RUFY4: variants seen among roughly 807,000 people sequenced by gnomAD.
The protein encoded by RUFY4 is RUN and FYVE domain-containing protein 4.
Under a neutral mutation model 69.0 loss-of-function variants are expected in RUFY4, and 73 were observed. The observed-to-expected ratio is 1.06, with a 90% CI of 0.88 to 1.29. The LOEUF (loss-of-function observed/expected upper bound fraction) is 1.29. Among genes scored for constraint, RUFY4 ranks in the 50% most tolerant of loss-of-function variants. The probability of loss-of-function intolerance (pLI) is 0.00; values close to 1 mark genes in which losing one functional copy is unlikely to be tolerated. For missense variants in RUFY4, 770 were observed against 705.6 expected (o/e 1.09, Z -1.03); for synonymous variants, 287 against 271.8 (o/e 1.06, Z -0.55).
At chr2:218,081,979 C>A (rs1689768707) in intron 8 of RUFY4, among the ~76,000 whole-genome samples, 1 of 152,236 alleles carries the variant, frequency 6.6e-6, no homozygotes. Context: ...CTGGCACAGA[C>A]ACGTACATGC....
chr2:218,090,143 C>A, exon 11 of RUFY4: 1 of 729,784 alleles, frequency 1.4e-6, no homozygotes, highest in Non-Finnish European at 2.3e-6. Flanking sequence ...TCCCAGCCCT[C>A]TTGTTTGTCC....
rs939772844 is a variant in RUFY4, at chr2:218,070,862, G to A, written c.153+3G>A. The A allele has an allele frequency of 7.8e-6, 12 of 1,532,598 alleles. No individual in the cohort carries two copies. Among genetic ancestry groups the A allele is most frequent in the Admixed American group, 2.0e-5 (1 of 50,612 alleles). 94.9% of individuals were successfully genotyped at this position (1,532,598 alleles called of 1,614,324 possible). A position where few individuals can be genotyped will look rare whatever the true frequency, so the allele number is the denominator to read the frequency against. On this transcript the variant is annotated splice_donor_region_variant and intron_variant, in intron 2 of 10. Transcript: ENST00000344321. Reference sequence around the variant, plus strand: ...GCTGCCTGGAGCTGCTGCTGCAGGTGGGACCTTCTCCTCCCCTTCCCCATC... The same window carrying A: ...GCTGCCTGGAGCTGCTGCTGCAGGTAGGACCTTCTCCTCCCCTTCCCCATC...
chr2:218,073,131 C>A, intron 4 of RUFY4, 112 bp from the exon 7 acceptor site: 1 of 1,170,352 alleles, frequency 8.5e-7, no homozygotes, highest in Non-Finnish European at 1.1e-6. Context: ...AGCCTCATGA[C>A]GGTGTGTAGT....
chr2:218,044,189 G>A (rs919346220), intron 2 of RUFY4, among the ~76,000 whole-genome samples: 1 of 152,144 alleles, frequency 6.6e-6, no homozygotes, highest in Non-Finnish European at 1.5e-5. Flanking sequence ...CAGGGGTGGG[G>A]CTCCTGCCTG....
exon 10 of RUFY4, chr2:218,089,277 C>T: frequency 6.2e-7 from 1 of 1,613,868 alleles, no homozygotes. Context: ...GTGGCAGAGG[C>T]TCCAGCATCT....
At chr2:218,073,751 C>A (rs1208700061) in intron 5 of RUFY4, 65 bp from the exon 8 acceptor site, 4 of 1,567,114 alleles carry the variant, frequency 2.6e-6, no homozygotes, top group Non-Finnish European at 3.5e-6. Flanking sequence ...GGGATACCCT[C>A]CATCTGAGGA....
exon 8 of RUFY4, chr2:218,076,519 G>A: frequency 4.5e-6 from 7 of 1,550,436 alleles, no homozygotes; most frequent in South Asian, 1.2e-5. Flanking sequence ...AGGCACTTCG[G>A]GAGCAGCTCA....
intron 2 of RUFY4, among the ~76,000 whole-genome samples, chr2:218,040,025 A>C (rs1959039589): frequency 6.6e-6 from 1 of 152,166 alleles, no homozygotes; most frequent in Admixed American, 6.5e-5. Context: ...TCTGCTGTAA[A>C]GTCAAATCCT....
At chr2:218,088,881 C>T (rs1314678355) in intron 9 of RUFY4, among the ~76,000 whole-genome samples, 3 of 151,836 alleles carry the variant, frequency 2.0e-5, no homozygotes, top group African/African-American at 7.3e-5. Context: ...CTCTCTCCCT[C>T]TATATATCTC....
chr2:218,043,653 A>C (rs1688753584), intron 2 of RUFY4, among the ~76,000 whole-genome samples: 1 of 152,180 alleles, frequency 6.6e-6, no homozygotes, highest in Non-Finnish European at 1.5e-5. Flanking sequence ...GGGGAAGTGC[A>C]TGCTGATTGG....
At chr2:218,063,834 T>C (rs1195319874) in intron 3 of RUFY4, among the ~76,000 whole-genome samples, 1 of 152,122 alleles carries the variant, frequency 6.6e-6, no homozygotes, top group Non-Finnish European at 1.5e-5. Flanking sequence ...CGTCAGCCCA[T>C]AAGGCAAGGT....
chr2:218,062,432 G>T (rs1226786770), intron 3 of RUFY4, among the ~76,000 whole-genome samples: 1 of 151,174 alleles, frequency 6.6e-6, no homozygotes, highest in Non-Finnish European at 1.5e-5. Flanking sequence ...ATGATAAGTG[G>T]CCGGGCATGG....
chr2:218,042,365 T>C (rs1688714234), intron 2 of RUFY4, among the ~76,000 whole-genome samples: 1 of 152,234 alleles, frequency 6.6e-6, no homozygotes, highest in African/African-American at 2.4e-5. Context: ...CTTACCAATA[T>C]GAGCCTAAGT....
At chr2:218,056,390 A>G (rs1158794794) in intron 2 of RUFY4, among the ~76,000 whole-genome samples, 1 of 152,152 alleles carries the variant, frequency 6.6e-6, no homozygotes, top group Non-Finnish European at 1.5e-5. Flanking sequence ...GCTAAACTCC[A>G]GGCAACTCTG....
At chr2:218,053,307 G>C (rs546966415) in intron 2 of RUFY4, among the ~76,000 whole-genome samples, 2 of 150,526 alleles carry the variant, frequency 1.3e-5, no homozygotes, top group Admixed American at 6.6e-5. Flanking sequence ...ATGTTTAATT[G>C]TATGAAAAGC....
chr2:218,085,644 A>T (rs540494361), intron 9 of RUFY4, among the ~76,000 whole-genome samples: 1 of 152,206 alleles, frequency 6.6e-6, no homozygotes, highest in Non-Finnish European at 1.5e-5. Context: ...TGAGGAATAA[A>T]GTCATTAGAA....
At chr2:218,053,524 T>C (rs1378466205) in intron 2 of RUFY4, among the ~76,000 whole-genome samples, 1 of 151,906 alleles carries the variant, frequency 6.6e-6, no homozygotes, top group African/African-American at 2.4e-5. Flanking sequence ...TTTTTTTTTA[T>C]TTTGAAACGG....
chr2:218,036,197 T>A (rs1220661540), intron 2 of RUFY4, among the ~76,000 whole-genome samples: 1 of 152,236 alleles, frequency 6.6e-6, no homozygotes, highest in East Asian at 1.9e-4. Flanking sequence ...GCCCAGGGAC[T>A]GCTCAATCGG....
chr2:218,061,792 G>A (rs1187470060), intron 3 of RUFY4, among the ~76,000 whole-genome samples: 3 of 152,136 alleles, frequency 2.0e-5, no homozygotes, highest in African/African-American at 4.8e-5. Context: ...AGCTGTCAAG[G>A]CTGGGTTTAA....
Sources: gnomAD v4.1 joint callset for allele counts (sites outside exome capture counted in the v4.1 genomes callset) on GRCh38, gnomAD v4.1.1 for gene constraint, MANE v1.5 for transcripts, NCBI Gene and HGNC (gene_info 2026-07-23, HGNC 2026-07-21) for gene names.